ALAD: variants seen among roughly 807,000 people sequenced by gnomAD.
The protein encoded by ALAD is aminolevulinate dehydratase, also known as delta-aminolevulinic acid dehydratase.
Under a neutral mutation model 44.4 loss-of-function variants are expected in ALAD, and 20 were observed. That is an observed-to-expected ratio of 0.45 (90% CI 0.32 to 0.65). ALAD has a LOEUF of 0.65. ALAD is among the 30% of genes least tolerant of loss of function. The pLI, the probability that ALAD is intolerant of heterozygous loss-of-function variation, is 0.05. For missense variants in ALAD, 323 were observed against 445.7 expected, an observed-to-expected ratio of 0.72 and a Z score of 2.48; for synonymous variants, 156 against 167.9, an observed-to-expected ratio of 0.93 and a Z score of 0.55.
intron 1 of ALAD, among the ~76,000 whole-genome samples, chr9:113,394,253 TC>T (rs1827670384): frequency 1.3e-5 from 2 of 149,214 alleles, no homozygotes; most frequent in Admixed American, 6.7e-5. Context: ...AAAGTAATTT[TC>T]TAGCTGGGCA....
intron 1 of ALAD, among the ~76,000 whole-genome samples, chr9:113,395,297 C>T (rs1347418911): frequency 6.6e-6 from 1 of 152,148 alleles, no homozygotes; most frequent in Non-Finnish European, 1.5e-5. Context: ...GTGCTCTCCC[C>T]ACAGCCTCCC....
chr9:113,399,116 T>C (rs1827800635), intron 1 of ALAD, among the ~76,000 whole-genome samples: 1 of 152,208 alleles, frequency 6.6e-6, no homozygotes, highest in Admixed American at 6.5e-5. Context: ...GAAAGATCCA[T>C]GTTTCAGGGT....
chr9:113,392,023 C>T, intron 3 of ALAD, 96 bp downstream of exon 3: 1 of 1,235,672 alleles, frequency 8.1e-7, no homozygotes, highest in Non-Finnish European at 1.2e-6. Context: ...CTGTCCGCAT[C>T]TTCTACTTCC....
intron 2 of ALAD, 52 bp downstream of exon 2, chr9:113,393,395 A>ACCCCAG: frequency 6.7e-7 from 1 of 1,500,390 alleles, no homozygotes; most frequent in East Asian, 2.3e-5. Flanking sequence ...TCCCTCCCCA[A>ACCCCAG]CCCCAACCCC....
At position 113,388,116 on chromosome 9, in the gene ALAD, A is replaced by G; in HGVS notation, c.*184T>C. ...AAGCTTGGGAGAGCTCATAGGATGCAGCTGCGAGTTACAAGAGTTAGCATG... is the reference window on the plus strand; with the variant it reads ...AAGCTTGGGAGAGCTCATAGGATGCGGCTGCGAGTTACAAGAGTTAGCATG... On this transcript the variant is annotated 3_prime_UTR_variant, in exon 12 of 12. Transcript: ENST00000409155. The G allele has an allele frequency of 1.5e-6, 1 of 666,168 alleles. No individual in the cohort carries two copies. The highest frequency in any genetic ancestry group is 2.7e-6 in the Non-Finnish European group (1 of 369,402). The allele number at this position is 666,168 out of a possible 1,614,324, so 41.3% of individuals were successfully genotyped here.
At chr9:113,392,881 A>G (rs1414714005) in intron 2 of ALAD, among the ~76,000 whole-genome samples, 1 of 141,032 alleles carries the variant, frequency 7.1e-6, no homozygotes, top group Non-Finnish European at 1.5e-5. Flanking sequence ...GAAGTGGTGC[A>G]ATCTCGGCTC....
Position 113,387,523 on chromosome 9 carries a change from C to T in ALAD, c.*777G>A, listed in dbSNP as rs1827429884. The T allele has an allele frequency of 6.6e-6, 1 of 152,266 alleles. No individual in the cohort carries two copies. The highest frequency in any genetic ancestry group is 2.1e-4 in the South Asian group (1 of 4,832). 9.4% of individuals were successfully genotyped at this position (152,266 alleles called of 1,614,324 possible). A position where few individuals can be genotyped will look rare whatever the true frequency, so the allele number is the denominator to read the frequency against. On this transcript the variant is annotated 3_prime_UTR_variant, in exon 12 of 12. Coordinates refer to ENST00000409155, the MANE Select transcript of ALAD (RefSeq NM_000031.6). ...TTTCTTCTTAGCTGTCTCCCCAATT[C>T]TCTTTGTATAATTTCTATGAAGAGA...
intron 3 of ALAD, among the ~76,000 whole-genome samples, chr9:113,391,909 C>T (rs1028985630): frequency 6.6e-6 from 1 of 152,226 alleles, no homozygotes; most frequent in African/African-American, 2.4e-5. Flanking sequence ...TCTGCCACGA[C>T]GTCTCGGGTG....
chr9:113,395,924 TG>T (rs1564377328), intron 1 of ALAD, among the ~76,000 whole-genome samples: 1 of 152,130 alleles, frequency 6.6e-6, no homozygotes, highest in East Asian at 1.9e-4. Context: ...CCAGGCACGG[TG>T]GCTCACGCCT....
intron 1 of ALAD, among the ~76,000 whole-genome samples, chr9:113,398,878 C>T (rs553498923): frequency 6.6e-6 from 1 of 152,236 alleles, no homozygotes; most frequent in African/African-American, 2.4e-5. Context: ...ATTGGCAGAG[C>T]CAAATGCAGG....
Position 113,388,154 on chromosome 9 carries a change from C to A in ALAD, c.*146G>T. 1 of 857,348 alleles carries A rather than the reference C, an allele frequency of 1.2e-6. No homozygotes were observed. The highest frequency in any genetic ancestry group is 1.4e-5 in the South Asian group (1 of 71,818). 53.1% of individuals were successfully genotyped at this position (857,348 alleles called of 1,614,324 possible). ...AAGAGTTAGCATGCTGGCAAAACCA[C>A]CCAGGGCTGCTGGGCCCCGCTAGCA... On this transcript the variant is annotated 3_prime_UTR_variant, in exon 12 of 12. Coordinates refer to ENST00000409155, the MANE Select transcript of ALAD (RefSeq NM_000031.6).
chr9:113,400,690 C>T (rs1351589742), intron 1 of ALAD, among the ~76,000 whole-genome samples: 1 of 152,134 alleles, frequency 6.6e-6, no homozygotes, highest in African/African-American at 2.4e-5. Context: ...GGCGTGGTGG[C>T]ACACGCCTGT....
Position 113,386,364 on chromosome 9 carries a change from T to C in ALAD, c.*1936A>G, listed in dbSNP as rs1417450684. The C allele has an allele frequency of 2.6e-5, 4 of 152,210 alleles. No individual in the cohort carries two copies. The highest frequency in any genetic ancestry group is 9.6e-5 in the African/African-American group (4 of 41,452). The allele number at this position is 152,210 out of a possible 1,614,324, so 9.4% of individuals were successfully genotyped here. A position where few individuals can be genotyped will look rare whatever the true frequency, so the allele number is the denominator to read the frequency against. ...AAAATTCTTTACAACTTTATTACAA[T>C]ATAGATTTTGTGTTGGATAGTTTTG... On this transcript the variant is annotated 3_prime_UTR_variant, in exon 12 of 12. Coordinates refer to ENST00000409155, the MANE Select transcript of ALAD (RefSeq NM_000031.6).
intron 1 of ALAD, among the ~76,000 whole-genome samples, chr9:113,400,103 C>T (rs895200633): frequency 6.6e-6 from 1 of 152,172 alleles, no homozygotes; most frequent in African/African-American, 2.4e-5. Flanking sequence ...GGAGAAGCTG[C>T]CATTCCCAGA....
Position 113,392,815 on chromosome 9 carries a change from CTTTTTTTTTT to C in ALAD, c.113+622_113+631del, listed in dbSNP as rs34148636. Among the ~76,000 whole-genome samples, 7 of 113,088 alleles carry C rather than the reference CTTTTTTTTTT, an allele frequency of 6.2e-5. 1 individual carries two copies. The highest frequency in any genetic ancestry group is 1.4e-4 in the African/African-American group (4 of 28,910). 74.2% of individuals were successfully genotyped at this position (113,088 alleles called of 152,430 possible). ...TTATTAACAATCACGATTGCCATCT[CTTTTTTTTTT>C]TTTTTTTTTTGAGATGGAGTCTGGC... is the stretch of plus-strand genomic sequence containing the variant. On this transcript the variant is annotated intron_variant, in intron 2 of 11. Transcript: ENST00000409155.
chr9:113,396,418 G>A (rs1006572304), intron 1 of ALAD: 3 of 152,044 alleles, frequency 2.0e-5, no homozygotes, highest in African/African-American at 7.3e-5. Flanking sequence ...AAAATGACAG[G>A]GCGTTGAACT....
intron 2 of ALAD, 58 bp downstream of exon 2, chr9:113,393,389 T>TGCCCCAC: frequency 7.9e-7 from 1 of 1,271,492 alleles, no homozygotes; most frequent in Non-Finnish European, 1.2e-6. Flanking sequence ...CAACACTCCC[T>TGCCCCAC]CCCCAACCCC....
At position 113,400,779 on chromosome 9, in the gene ALAD, G is replaced by A. The variant is rs575492354; in HGVS notation, c.-76+433C>T. Among the ~76,000 whole-genome samples, 3 of 152,208 alleles carry A rather than the reference G, an allele frequency of 2.0e-5. No homozygotes were observed. In the East Asian group the frequency reaches 5.8e-4, roughly 29 times the overall value. Reference sequence around the variant, plus strand: ...GGAGGTTGCAGTGAGCTGAGATCGCGCCATTGCACTCCAGCCTGGGCAACA... The same window carrying A: ...GGAGGTTGCAGTGAGCTGAGATCGCACCATTGCACTCCAGCCTGGGCAACA... On this transcript the variant is annotated intron_variant, in intron 1 of 11. Transcript: ENST00000409155.
rs752486804 is a variant in ALAD at position 113,386,461 on chromosome 9, G to C, written c.*1839C>G. On this transcript the variant is annotated 3_prime_UTR_variant, in exon 12 of 12. Transcript: ENST00000409155. The stretch of plus-strand genomic sequence containing the variant: ...TAGGCTAAGCTATGATGTTTGGTAG[G>C]TTAGGTATATTAAATACATTTTTGA... 1 of 152,086 alleles carries C rather than the reference G, an allele frequency of 6.6e-6. No individual in the cohort carries two copies. The highest frequency in any genetic ancestry group is 1.5e-5 in the Non-Finnish European group (1 of 68,018). The allele number at this position is 152,086 out of a possible 1,614,324, so 9.4% of individuals were successfully genotyped here.
Sources: gnomAD v4.1 joint callset for allele counts (sites outside exome capture counted in the v4.1 genomes callset) on GRCh38, gnomAD v4.1.1 for gene constraint, MANE v1.5 for transcripts, NCBI Gene and HGNC (gene_info 2026-07-23, HGNC 2026-07-21) for gene names.